MARCHF1: variants seen among roughly 807,000 people sequenced by gnomAD.
MARCHF1 encodes membrane associated ring-CH-type finger 1.
Under a neutral mutation model 54.2 loss-of-function variants are expected in MARCHF1, and 40 were observed. The ratio of observed to expected loss-of-function variants is 0.74; its 90% confidence interval spans 0.57 to 0.96. MARCHF1 has a LOEUF of 0.96. MARCHF1 is among the 40% of genes least tolerant of loss of function. The pLI, the probability that MARCHF1 is intolerant of heterozygous loss-of-function variation, is 0.00. For synonymous variants in MARCHF1, 236 were observed against 236.3 expected, an observed-to-expected ratio of 1.00 and a Z score of 0.01; for missense variants, 586 against 656.5, an observed-to-expected ratio of 0.89 and a Z score of 1.17.
chr4:163,808,859 G>A (rs899627787), intron 4 of MARCHF1, among the ~76,000 whole-genome samples: 2 of 152,130 alleles, frequency 1.3e-5, no homozygotes, highest in Middle Eastern at 3.2e-3. Context: ...CTGAGCCACC[G>A]TGCCCGGCCT....
chr4:164,081,057 A>G (rs1241120495), intron 2 of MARCHF1, among the ~76,000 whole-genome samples: 1 of 148,118 alleles, frequency 6.8e-6, no homozygotes, highest in Non-Finnish European at 1.5e-5. Flanking sequence ...AAATACAAAA[A>G]ATTAGCCGGG....
chr4:163,537,461 C>T lies in MARCHF1; in HGVS notation c.1339+8135G>A, dbSNP rs75643755. On this transcript the variant is annotated intron_variant, in intron 9 of 9. Coordinates refer to ENST00000514618, the MANE Select transcript of MARCHF1 (RefSeq NM_001394959.1). The stretch of plus-strand genomic sequence containing the variant: ...AGCTGTATCCTGCACTTCAAAATGC[C>T]GGGAGCACAAAGTTGTTTCTATTTG... 4.1e-3 allele frequency among the ~76,000 whole-genome samples: 625 copies of T among 152,232 alleles called. 1 individual carries two copies. The highest frequency in any genetic ancestry group is 0.013 in the African/African-American group (560 of 41,536).
At chr4:163,780,534 G>C (rs776308986) in intron 4 of MARCHF1, among the ~76,000 whole-genome samples, 1 of 152,132 alleles carries the variant, frequency 6.6e-6, no homozygotes, top group Non-Finnish European at 1.5e-5. Context: ...TTGTCAAATA[G>C]AAGGGGTCAT....
At chr4:163,732,390 C>A (rs1745870423) in intron 4 of MARCHF1, among the ~76,000 whole-genome samples, 1 of 152,008 alleles carries the variant, frequency 6.6e-6, no homozygotes, top group African/African-American at 2.4e-5. Context: ...CATCAGTGAA[C>A]TAGAGGCTAA....
intron 2 of MARCHF1, among the ~76,000 whole-genome samples, chr4:164,101,181 G>A (rs1386180747): frequency 3.3e-5 from 5 of 152,202 alleles, no homozygotes; most frequent in Non-Finnish European, 7.3e-5. Flanking sequence ...CAGCGAGGCC[G>A]GGGGAGGGGC....
In MARCHF1 at chr4:163,933,079, C is replaced by T. The variant is rs972673850; in HGVS notation, c.-39+55422G>A. On this transcript the variant is annotated intron_variant, in intron 3 of 9. Transcript: ENST00000514618. Reference sequence around the variant, plus strand: ...GAGATTCTTAATAACCCAGAGCTTGCCTGCACGCTGGCTAAAACGGCTTTT... The same window carrying T: ...GAGATTCTTAATAACCCAGAGCTTGTCTGCACGCTGGCTAAAACGGCTTTT... 1.4e-5 allele frequency: 20 copies of T among 1,471,924 alleles called. No homozygotes were observed. The African/African-American group carries it at 1.4e-4, about 10-fold the overall frequency. 91.2% of individuals were successfully genotyped at this position (1,471,924 alleles called of 1,614,324 possible).
chr4:164,160,867 T>G (rs1730214637), intron 1 of MARCHF1, among the ~76,000 whole-genome samples: 1 of 152,112 alleles, frequency 6.6e-6, no homozygotes, highest in Non-Finnish European at 1.5e-5. Context: ...GACCACACAA[T>G]TAGAAGACAT....
At chr4:163,617,847 T>C (rs1741564475) in intron 5 of MARCHF1, among the ~76,000 whole-genome samples, 1 of 152,184 alleles carries the variant, frequency 6.6e-6, no homozygotes, top group South Asian at 2.1e-4. Flanking sequence ...ATGAGCATCA[T>C]AATGGATACC....
intron 5 of MARCHF1, among the ~76,000 whole-genome samples, chr4:163,617,069 T>A (rs1482067273): frequency 2.0e-5 from 3 of 152,144 alleles, no homozygotes; most frequent in Non-Finnish European, 4.4e-5. Context: ...CAATTTTATT[T>A]ACTCATAAAA....
intron 2 of MARCHF1, among the ~76,000 whole-genome samples, chr4:164,013,826 A>G (rs1753478918): frequency 2.0e-5 from 3 of 152,154 alleles, no homozygotes; most frequent in East Asian, 3.8e-4. Flanking sequence ...TCCTATACAA[A>G]CAAAAGCTGA....
rs573309012 is a variant in MARCHF1, at chr4:164,205,875, T to C, written c.-322-94213A>G. Among the ~76,000 whole-genome samples the C allele has an allele frequency of 4.6e-5, 7 of 152,320 alleles. No individual in the cohort carries two copies. In the South Asian group the frequency reaches 1.5e-3, roughly 32 times the overall value. On this transcript the variant is annotated intron_variant, in intron 1 of 9. Coordinates refer to ENST00000514618, the MANE Select transcript of MARCHF1 (RefSeq NM_001394959.1). ...TGAACTAAACAATTTGATAAAATTT[T>C]TCAGAATGATATACGTCACAGTAAT...
chr4:163,893,859 C>G (rs530535944), intron 3 of MARCHF1, among the ~76,000 whole-genome samples: 18 of 152,264 alleles, frequency 1.2e-4, no homozygotes, highest in African/African-American at 4.3e-4. Flanking sequence ...CACCATATGT[C>G]AGGCAGCTAG....
intron 4 of MARCHF1, among the ~76,000 whole-genome samples, chr4:163,719,028 C>T (rs1002579792): frequency 1.3e-4 from 20 of 152,024 alleles, no homozygotes; most frequent in Admixed American, 9.8e-4. Flanking sequence ...TATCTTCAAG[C>T]TCATCTTTTT....
At chr4:163,856,212 A>T (rs1749764454) in intron 3 of MARCHF1, among the ~76,000 whole-genome samples, 1 of 152,232 alleles carries the variant, frequency 6.6e-6, no homozygotes, top group Admixed American at 6.5e-5. Flanking sequence ...GTATTATAAC[A>T]AAATGCCAAC....
intron 8 of MARCHF1, among the ~76,000 whole-genome samples, chr4:163,558,447 T>A (rs533768486): frequency 1.3e-5 from 2 of 152,276 alleles, no homozygotes; most frequent in East Asian, 3.9e-4. Flanking sequence ...TCGGAGAAGA[T>A]AGAAGGTTCT....
intron 1 of MARCHF1, among the ~76,000 whole-genome samples, chr4:164,274,161 A>T (rs1733812543): frequency 6.6e-6 from 1 of 152,224 alleles, no homozygotes; most frequent in African/African-American, 2.4e-5. Context: ...CTACCAAAAG[A>T]AAGAAATGTC....
At chr4:163,639,703 C>G (rs969190663) in intron 5 of MARCHF1, among the ~76,000 whole-genome samples, 2 of 152,046 alleles carry the variant, frequency 1.3e-5, no homozygotes, top group African/African-American at 4.8e-5. Flanking sequence ...TTTGGACTTT[C>G]AGACAGAGTA....
At chr4:164,039,967 T>TTATA (rs368367511) in intron 2 of MARCHF1, among the ~76,000 whole-genome samples, 205 of 145,066 alleles carry the variant, frequency 1.4e-3, no homozygotes, top group African/African-American at 4.5e-3. Flanking sequence ...CCTCATGAAA[T>TTATA]TATATATATA....
At chr4:164,014,824 T>A (rs1446606471) in intron 2 of MARCHF1, among the ~76,000 whole-genome samples, 1 of 152,158 alleles carries the variant, frequency 6.6e-6, no homozygotes, top group East Asian at 1.9e-4. Context: ...TACAGCAAGT[T>A]AATATAACAA....
Sources: allele counts gnomAD v4.1 joint callset (sites outside exome capture counted in the v4.1 genomes callset), GRCh38; gene constraint gnomAD v4.1.1; transcripts MANE v1.5; gene names NCBI Gene and HGNC (gene_info 2026-07-23, HGNC 2026-07-21).